The following ELMO1 variants were observed in gnomAD, a reference collection of about 807,000 sequenced individuals.
ELMO1 encodes engulfment and cell motility 1, also known as engulfment and cell motility protein 1.
In ELMO1, 26 loss-of-function variants were observed where a neutral mutation model predicts 98.9. The observed-to-expected ratio is 0.26, with a 90% CI of 0.19 to 0.36. ELMO1 has a LOEUF of 0.36. Ranked by LOEUF, ELMO1 falls within the 10% of genes least tolerant of loss-of-function variation. ELMO1 has a pLI of 1.00. For synonymous variants in ELMO1, 346 were observed against 346.0 expected, an observed-to-expected ratio of 1.00 and a Z score of 0.00; for missense variants, 627 against 935.2, an observed-to-expected ratio of 0.67 and a Z score of 4.30.
intron 16 of ELMO1, among the ~76,000 whole-genome samples, chr7:36,913,391 G>GCCT (rs1419096388): frequency 6.6e-6 from 1 of 152,180 alleles, no homozygotes; most frequent in Admixed American, 6.5e-5. Flanking sequence ...ATTACATAGA[G>GCCT]CTTGTAAAAA....
chr7:37,374,732 C>G (rs1294299347), intron 1 of ELMO1, among the ~76,000 whole-genome samples: 1 of 151,564 alleles, frequency 6.6e-6, no homozygotes, highest in African/African-American at 2.4e-5. Flanking sequence ...GCCTGGGCAA[C>G]AGAGCGAGAC....
chr7:37,275,830 G>T (rs1436332481), intron 4 of ELMO1, among the ~76,000 whole-genome samples: 2 of 152,238 alleles, frequency 1.3e-5, no homozygotes, highest in Admixed American at 1.3e-4. Flanking sequence ...AGCAAACTCA[G>T]AAACAAAGGC....
At chr7:37,401,620 C>T (rs890674789) in intron 1 of ELMO1, among the ~76,000 whole-genome samples, 3 of 152,092 alleles carry the variant, frequency 2.0e-5, no homozygotes, top group Admixed American at 1.3e-4. Flanking sequence ...CTTCACAAGG[C>T]GGCATGAAGG....
chr7:37,199,929 C>T (rs1458639235), intron 13 of ELMO1, among the ~76,000 whole-genome samples: 1 of 152,052 alleles, frequency 6.6e-6, no homozygotes, highest in East Asian at 1.9e-4. Flanking sequence ...TGAGAAGAGC[C>T]CACTGTGCAG....
chr7:37,166,912 C>T (rs10271632), intron 13 of ELMO1, among the ~76,000 whole-genome samples: 137,886 of 151,906 alleles, frequency 0.91, 62,954 homozygotes, highest in Non-Finnish European at 0.96. Flanking sequence ...TCTATCTCGT[C>T]GATCTGTCTA....
intron 1 of ELMO1, among the ~76,000 whole-genome samples, chr7:37,436,431 A>C (rs1805146560): frequency 6.6e-6 from 1 of 152,268 alleles, no homozygotes; most frequent in Non-Finnish European, 1.5e-5. Context: ...AGTGATTTTC[A>C]TGACTATAGT....
chr7:37,376,061 G>A (rs933091285), intron 1 of ELMO1: 2 of 367,886 alleles, frequency 5.4e-6, no homozygotes, highest in South Asian at 2.5e-5. Context: ...TAAACTTACA[G>A]CCAAAAAAAC....
In ELMO1 at chr7:37,070,915, T is replaced by G. The variant is rs111753974; in HGVS notation, c.1300+25704A>C. Among the ~76,000 whole-genome samples, 13 of 152,320 alleles carry G rather than the reference T, an allele frequency of 8.5e-5. 1 individual carries two copies. In the East Asian group the frequency reaches 1.2e-3, roughly 14 times the overall value. On this transcript the variant is annotated intron_variant, in intron 15 of 21. Coordinates refer to ENST00000310758, the MANE Select transcript of ELMO1 (RefSeq NM_014800.11). The stretch of plus-strand genomic sequence containing the variant: ...TGCATCATCCTAACAGTTAACTCAA[T>G]GAGATTAGTGGAGATTTATGTCAAT...
At chr7:37,174,952 T>A (rs2129886242) in intron 13 of ELMO1, among the ~76,000 whole-genome samples, 1 of 152,046 alleles carries the variant, frequency 6.6e-6, no homozygotes, top group South Asian at 2.1e-4. Flanking sequence ...CTTAGCACAC[T>A]CCAAATTTAA....
At chr7:37,033,941 GAGAC>G (rs1269238719) in intron 15 of ELMO1, among the ~76,000 whole-genome samples, 1 of 152,150 alleles carries the variant, frequency 6.6e-6, no homozygotes, top group Non-Finnish European at 1.5e-5. Flanking sequence ...TAAGATAAGA[GAGAC>G]AGTGCTGTGC....
intron 6 of ELMO1, among the ~76,000 whole-genome samples, chr7:37,258,342 G>A (rs1042061967): frequency 8.5e-5 from 13 of 152,142 alleles, no homozygotes; most frequent in Admixed American, 7.2e-4. Context: ...TCAGGAGGCT[G>A]AGGTGGGAGG....
chr7:37,023,431 T>G (rs183629183), intron 15 of ELMO1, among the ~76,000 whole-genome samples: 22 of 152,166 alleles, frequency 1.4e-4, no homozygotes, highest in Non-Finnish European at 2.4e-4. Flanking sequence ...AAATAGGGAT[T>G]GACATTTTAT....
chr7:37,279,229 A>AAAC (rs1408768998), intron 4 of ELMO1, among the ~76,000 whole-genome samples: 1 of 151,822 alleles, frequency 6.6e-6, no homozygotes, highest in East Asian at 1.9e-4. Flanking sequence ...ACAAACAAAC[A>AAAC]AAAAGTGTGT....
intron 14 of ELMO1, among the ~76,000 whole-genome samples, chr7:37,117,982 C>T (rs1008698999): frequency 3.3e-5 from 5 of 152,142 alleles, no homozygotes; most frequent in African/African-American, 1.2e-4. Flanking sequence ...GCTGTTGAAG[C>T]CATTTCAGGG....
intron 15 of ELMO1, among the ~76,000 whole-genome samples, chr7:37,080,249 G>C (rs1393913865): frequency 6.6e-6 from 1 of 152,100 alleles, no homozygotes; most frequent in African/African-American, 2.4e-5. Flanking sequence ...TTGTAGTGGG[G>C]TATATTAACT....
intron 6 of ELMO1, among the ~76,000 whole-genome samples, chr7:37,256,724 G>GGGGAAGGGAA (rs147352052): frequency 1.2e-3 from 137 of 115,412 alleles, no homozygotes; most frequent in African/African-American, 2.6e-3. Flanking sequence ...AGAGGGGCAG[G>GGGGAAGGGAA]GGGAAGGGAA....
intron 15 of ELMO1, among the ~76,000 whole-genome samples, chr7:37,057,279 G>GAA (rs199576280): frequency 1.0e-4 from 15 of 146,888 alleles, no homozygotes; most frequent in African/African-American, 3.5e-4. Context: ...CATGTGTTTT[G>GAA]AAAAAAAAAA....
rs1245463811 is a variant in ELMO1 at position 37,372,966 on chromosome 7, G to A, written c.-73-30203C>T. 2.0e-5 allele frequency among the ~76,000 whole-genome samples: 3 copies of A among 152,210 alleles called. No homozygotes were observed. The East Asian group carries it at 5.8e-4, about 29-fold the overall frequency. On this transcript the variant is annotated intron_variant, in intron 1 of 21. Transcript: ENST00000310758. ...GAAGCCAGAACCAGCCCTGTATCCT[G>A]AGGCTACTAAAGGGAAGAGCCAGAC...
intron 16 of ELMO1, chr7:37,002,108 G>A (rs190996534): frequency 6.6e-6 from 1 of 152,334 alleles, no homozygotes; most frequent in East Asian, 1.9e-4. Flanking sequence ...TTCAAGCTCT[G>A]TGGGCTGACT....
Sources: allele counts gnomAD v4.1 joint callset (sites outside exome capture counted in the v4.1 genomes callset), GRCh38; gene constraint gnomAD v4.1.1; transcripts MANE v1.5; gene names NCBI Gene and HGNC (gene_info 2026-07-23, HGNC 2026-07-21).